Variants in EXOC4 observed in about 807,000 individuals in gnomAD.
The protein encoded by EXOC4 is exocyst complex component 4.
EXOC4 carries 71 observed loss-of-function variants against 107.2 expected under a neutral mutation model. The ratio of observed to expected loss-of-function variants is 0.66; its 90% confidence interval spans 0.55 to 0.81. EXOC4 has a LOEUF of 0.81. EXOC4 is among the 30% of genes least tolerant of loss of function. The pLI is 0.00. For synonymous variants in EXOC4, 456 were observed against 441.2 expected (o/e 1.03, Z -0.42); for missense variants, 1,108 against 1,189.6 (o/e 0.93, Z 1.01).
chr7:134,007,967 T>G lies in EXOC4; in HGVS notation c.2687+132T>G, dbSNP rs191859315. 46 of 795,610 alleles carry G rather than the reference T, an allele frequency of 5.8e-5. 1 individual carries two copies. In the East Asian group the frequency reaches 1.2e-3, roughly 21 times the overall value. The allele number at this position is 795,610 out of a possible 1,614,324, so 49.3% of individuals were successfully genotyped here. ...AAAAAGAAAGAAGCACAGATAGATG[T>G]TTTTAGGTCCTATAGAGAAAATAAT... On this transcript the variant is annotated intron_variant, in intron 17 of 17. Coordinates refer to ENST00000253861, the MANE Select transcript of EXOC4 (RefSeq NM_021807.4).
intron 7 of EXOC4, among the ~76,000 whole-genome samples, chr7:133,435,366 A>G (rs1797946026): frequency 6.6e-6 from 1 of 151,600 alleles, no homozygotes; most frequent in African/African-American, 2.4e-5. Flanking sequence ...GTAGGTTATC[A>G]TGTCTAGCTA....
chr7:133,858,816 A>G (rs1798473339), intron 11 of EXOC4, among the ~76,000 whole-genome samples: 1 of 152,134 alleles, frequency 6.6e-6, no homozygotes, highest in Admixed American at 6.6e-5. Flanking sequence ...TAGTCAAATC[A>G]ATGTTACAGT....
chr7:133,277,038 T>C (rs1293863695), intron 2 of EXOC4, among the ~76,000 whole-genome samples: 1 of 152,008 alleles, frequency 6.6e-6, no homozygotes, highest in Non-Finnish European at 1.5e-5. Context: ...CTAAGCTCAC[T>C]GCAGCCTCCG....
At chr7:134,021,819 A>G (rs1795037638) in intron 17 of EXOC4, among the ~76,000 whole-genome samples, 1 of 151,940 alleles carries the variant, frequency 6.6e-6, no homozygotes, top group Non-Finnish European at 1.5e-5. Flanking sequence ...GGAATGGATC[A>G]ATTGCCTCAA....
At chr7:133,962,284 T>C (rs1800964495) in intron 14 of EXOC4, among the ~76,000 whole-genome samples, 1 of 152,218 alleles carries the variant, frequency 6.6e-6, no homozygotes, top group African/African-American at 2.4e-5. Context: ...TAGACAGTGA[T>C]GCATTTGCTC....
chr7:133,727,417 G>A, intron 10 of EXOC4: 1 of 155,318 alleles, frequency 6.4e-6, no homozygotes. Context: ...TTAAGGCATT[G>A]CTGGGTCTTG....
At chr7:134,093,150 C>A in the EXOC4 span, among the ~76,000 whole-genome samples, 1 of 152,076 alleles carries the variant, frequency 6.6e-6, no homozygotes, top group Non-Finnish European at 1.5e-5. Flanking sequence ...CAAGACCCTT[C>A]CTTCCATGTG....
At chr7:133,326,124 T>G (rs1795234605) in intron 5 of EXOC4, among the ~76,000 whole-genome samples, 1 of 152,244 alleles carries the variant, frequency 6.6e-6, no homozygotes. Flanking sequence ...TAATCTTTTT[T>G]TAAGGTTTTT....
intron 9 of EXOC4, among the ~76,000 whole-genome samples, chr7:133,606,517 A>ATT (rs56086076): frequency 1.5e-4 from 20 of 136,930 alleles, no homozygotes; most frequent in South Asian, 6.8e-4. Flanking sequence ...TATTATTATT[A>ATT]TTTTTTTTTT....
chr7:133,426,820 CT>C (rs1423796763), intron 7 of EXOC4, among the ~76,000 whole-genome samples: 12 of 152,168 alleles, frequency 7.9e-5, no homozygotes, highest in African/African-American at 2.9e-4. Context: ...TCCTGTTGAT[CT>C]TTTTCATGAA....
At chr7:133,503,063 A>G (rs1019751158) in intron 9 of EXOC4, among the ~76,000 whole-genome samples, 26 of 152,150 alleles carry the variant, frequency 1.7e-4, no homozygotes, top group South Asian at 1.0e-3. Context: ...AATATGTACT[A>G]TTTATAGATT....
chr7:133,833,913 A>T (rs572633072), intron 11 of EXOC4, among the ~76,000 whole-genome samples: 1 of 152,264 alleles, frequency 6.6e-6, no homozygotes, highest in Non-Finnish European at 1.5e-5. Flanking sequence ...GGCCAGTTAG[A>T]ACCTCACTTA....
chr7:133,944,123 T>C (rs1005122818), intron 14 of EXOC4, among the ~76,000 whole-genome samples: 5 of 152,200 alleles, frequency 3.3e-5, no homozygotes, highest in African/African-American at 9.6e-5. Context: ...TGAATCAATA[T>C]TGATACATTA....
At chr7:133,530,515 C>T (rs1055680451) in intron 9 of EXOC4, among the ~76,000 whole-genome samples, 4 of 152,206 alleles carry the variant, frequency 2.6e-5, no homozygotes, top group African/African-American at 9.6e-5. Context: ...ATAGAAAAGG[C>T]ATAGTAAAAA....
At chr7:133,424,306 C>G (rs971550389) in intron 7 of EXOC4, among the ~76,000 whole-genome samples, 2 of 152,104 alleles carry the variant, frequency 1.3e-5, no homozygotes, top group Non-Finnish European at 2.9e-5. Flanking sequence ...ACCTTCACTC[C>G]TGAGGCCAGC....
chr7:133,291,409 G>A (rs553840990), intron 3 of EXOC4, among the ~76,000 whole-genome samples: 2 of 148,048 alleles, frequency 1.4e-5, no homozygotes, highest in South Asian at 4.3e-4. Context: ...TTTGAGACAG[G>A]CTCACTCTGT....
At chr7:133,394,927 G>GA (rs1258640174) in intron 7 of EXOC4, among the ~76,000 whole-genome samples, 7 of 151,058 alleles carry the variant, frequency 4.6e-5, no homozygotes, top group Admixed American at 3.9e-4. Flanking sequence ...AAAAAAAAGG[G>GA]AAAAAAGAAA....
chr7:133,666,710 C>T (rs920266911), intron 10 of EXOC4, among the ~76,000 whole-genome samples: 13 of 152,098 alleles, frequency 8.5e-5, no homozygotes, highest in African/African-American at 3.1e-4. Flanking sequence ...TTAATGTATT[C>T]CAGACACTAT....
At chr7:133,291,130 G>C (rs955677728) in intron 3 of EXOC4, 19 of 152,070 alleles carry the variant, frequency 1.2e-4, no homozygotes, top group Admixed American at 1.1e-3. Flanking sequence ...TTGGGGCAGG[G>C]GGCGTGGTAT....
Sources: gnomAD v4.1 joint callset for allele counts (sites outside exome capture counted in the v4.1 genomes callset) on GRCh38, gnomAD v4.1.1 for gene constraint, MANE v1.5 for transcripts, NCBI Gene and HGNC (gene_info 2026-07-23, HGNC 2026-07-21) for gene names.